Variants in RBMS3 observed in about 807,000 individuals in gnomAD.
RBMS3 encodes the protein RNA binding motif single stranded interacting protein 3.
In RBMS3, 27 loss-of-function variants were observed where a neutral mutation model predicts 66.8. The observed-to-expected ratio is 0.40, with a 90% CI of 0.30 to 0.56. The LOEUF is 0.56. Ranked by LOEUF, RBMS3 falls within the 20% of genes least tolerant of loss-of-function variation. The pLI is 0.40. For missense variants in RBMS3, 513 were observed against 549.5 expected, an observed-to-expected ratio of 0.93 and a Z score of 0.66; for synonymous variants, 188 against 183.0, an observed-to-expected ratio of 1.03 and a Z score of -0.22.
chr3:29,762,937 G>T lies in RBMS3; in HGVS notation c.585G>T (p.Val195=). ...TGGAGTCTACTGAAAAATGTGAAGT[G>T]GTAATTCAACATTTTAATGGAAAAT... ...ARMESTEKCE[V]VIQHFNGKYL... Residue 195 remains valine (V), a synonymous_variant, in exon 6 of 15, where the codon GTG becomes GTT. Transcript: ENST00000383767. The T allele has an allele frequency of 1.2e-6, 2 of 1,609,554 alleles. No individual in the cohort carries two copies. Among genetic ancestry groups the T allele is most frequent in the Non-Finnish European group, 1.7e-6 (2 of 1,177,414 alleles).
intron 6 of RBMS3, among the ~76,000 whole-genome samples, chr3:29,787,835 A>G (rs1035365637): frequency 2.6e-5 from 4 of 152,150 alleles, no homozygotes; most frequent in Non-Finnish European, 4.4e-5. Flanking sequence ...AAACCTACTG[A>G]AATTAAAAAA....
chr3:29,776,515 TA>T (rs993741412), intron 6 of RBMS3, among the ~76,000 whole-genome samples: 6 of 151,810 alleles, frequency 4.0e-5, no homozygotes, highest in Non-Finnish European at 8.8e-5. Context: ...TAAAGTATAG[TA>T]AAAAAAACCT....
chr3:29,564,816 C>A (rs768872954), intron 3 of RBMS3, among the ~76,000 whole-genome samples: 4 of 152,092 alleles, frequency 2.6e-5, no homozygotes, highest in African/African-American at 9.6e-5. Flanking sequence ...TCAGCTTAGG[C>A]AGGTCAGTTT....
intron 1 of RBMS3, among the ~76,000 whole-genome samples, chr3:29,361,191 G>A (rs2037562093): frequency 6.6e-6 from 1 of 152,008 alleles, no homozygotes; most frequent in South Asian, 2.1e-4. Flanking sequence ...GGTGCGCTTT[G>A]TTCCTTTCCA....
At chr3:29,320,482 T>A (rs2034942938) in intron 1 of RBMS3, among the ~76,000 whole-genome samples, 1 of 152,092 alleles carries the variant, frequency 6.6e-6, no homozygotes, top group Non-Finnish European at 1.5e-5. Context: ...CTATGGCATA[T>A]TAATGGAGAA....
At chr3:29,915,045 G>C (rs2060604763) in intron 10 of RBMS3, among the ~76,000 whole-genome samples, 1 of 151,576 alleles carries the variant, frequency 6.6e-6, no homozygotes, top group Non-Finnish European at 1.5e-5. Flanking sequence ...TATTTATCTT[G>C]TTGTTTAGAT....
intron 3 of RBMS3, among the ~76,000 whole-genome samples, chr3:29,501,524 T>C (rs1414422970): frequency 1.3e-5 from 2 of 152,190 alleles, no homozygotes; most frequent in Admixed American, 1.3e-4. Context: ...AGCCCGAGGT[T>C]AATTTATCCG....
intron 12 of RBMS3, among the ~76,000 whole-genome samples, chr3:29,957,525 A>T (rs1490028707): frequency 1.3e-5 from 2 of 152,172 alleles, no homozygotes; most frequent in Non-Finnish European, 2.9e-5. Flanking sequence ...AAGACTCATG[A>T]CAAGAAAATG....
intron 10 of RBMS3, among the ~76,000 whole-genome samples, chr3:29,909,148 C>T (rs1269292882): frequency 1.3e-5 from 2 of 151,954 alleles, no homozygotes; most frequent in Admixed American, 6.6e-5. Context: ...TATTAGAGAA[C>T]GAGGGAAATA....
chr3:29,542,736 T>TGA (rs1363102156), intron 3 of RBMS3, among the ~76,000 whole-genome samples: 4 of 152,200 alleles, frequency 2.6e-5, no homozygotes, highest in African/African-American at 9.6e-5. Context: ...TAATAAGTCT[T>TGA]GAACTATTTC....
chr3:29,376,626 G>A (rs2038483898), intron 1 of RBMS3, among the ~76,000 whole-genome samples: 3 of 152,090 alleles, frequency 2.0e-5, no homozygotes, highest in Admixed American at 1.3e-4. Context: ...ACAAAAAAAC[G>A]ACCAGGCGCA....
At position 29,874,075 on chromosome 3, in the gene RBMS3, T is replaced by C. The variant is rs1039078659; in HGVS notation, c.744+5111T>C. ...CGTAAAATAGCCCCCTTGTCTTTAG[T>C]TGAATCTGCTCTTAATGGTGCATCC... On this transcript the variant is annotated intron_variant, in intron 7 of 14. Coordinates refer to ENST00000383767, the MANE Select transcript of RBMS3 (RefSeq NM_001003793.3). 9.9e-5 allele frequency among the ~76,000 whole-genome samples: 15 copies of C among 152,178 alleles called. 1 individual carries two copies. Among genetic ancestry groups the C allele is most frequent in the Non-Finnish European group, 1.6e-4 (11 of 68,026 alleles).
intron 12 of RBMS3, among the ~76,000 whole-genome samples, chr3:29,958,839 G>C (rs1696215337): frequency 6.6e-6 from 1 of 152,148 alleles, no homozygotes; most frequent in Non-Finnish European, 1.5e-5. Flanking sequence ...CCTTATTCTA[G>C]AATCAGTAAT....
chr3:29,747,466 A>C (rs2054973077), intron 5 of RBMS3, among the ~76,000 whole-genome samples: 1 of 152,024 alleles, frequency 6.6e-6, no homozygotes, highest in Non-Finnish European at 1.5e-5. Context: ...GGTCACTATT[A>C]TCCAATACTG....
intron 9 of RBMS3, among the ~76,000 whole-genome samples, chr3:29,897,892 T>C (rs556316491): frequency 6.6e-6 from 1 of 151,780 alleles, no homozygotes; most frequent in African/African-American, 2.4e-5. Context: ...GTCATGGTTG[T>C]CCTGGTAAAG....
intron 9 of RBMS3, 141 bp downstream of exon 9, chr3:29,897,616 A>G (rs2060155630): frequency 6.9e-6 from 5 of 720,790 alleles, no homozygotes; most frequent in Non-Finnish European, 1.2e-5. Context: ...TACTCAAGTT[A>G]TGAGTTAGCC....
At chr3:29,852,938 C>T (rs1018992006) in intron 6 of RBMS3, among the ~76,000 whole-genome samples, 14 of 152,016 alleles carry the variant, frequency 9.2e-5, no homozygotes, top group African/African-American at 1.9e-4. Context: ...GATTAGATAA[C>T]AAAAATGTGG....
At chr3:29,900,041 A>G (rs1384853350) in intron 10 of RBMS3, among the ~76,000 whole-genome samples, 2 of 151,760 alleles carry the variant, frequency 1.3e-5, no homozygotes, top group African/African-American at 4.8e-5. Context: ...ATAGCAATCA[A>G]CCATTCAAGC....
At position 29,777,695 on chromosome 3, in the gene RBMS3, T is replaced by A. The variant is rs983430406; in HGVS notation, c.637+14706T>A. Among the ~76,000 whole-genome samples, 5 of 152,048 alleles carry A rather than the reference T, an allele frequency of 3.3e-5. No individual in the cohort carries two copies. The East Asian group carries it at 7.7e-4, about 24-fold the overall frequency. On this transcript the variant is annotated intron_variant, in intron 6 of 14. Coordinates refer to ENST00000383767, the MANE Select transcript of RBMS3 (RefSeq NM_001003793.3). ...TTGCTACTTTCTCCAGATTAATTTT[T>A]TTAAAGAGTATTGACCTATGGACAT...
Sources: allele counts gnomAD v4.1 joint callset (sites outside exome capture counted in the v4.1 genomes callset), GRCh38; gene constraint gnomAD v4.1.1; transcripts MANE v1.5; gene names NCBI Gene and HGNC (gene_info 2026-07-23, HGNC 2026-07-21).